Variants in MEIOB observed in about 807,000 individuals in gnomAD.
The protein encoded by MEIOB is meiosis-specific with OB domain-containing protein.
A neutral mutation model predicts 53.1 loss-of-function variants in MEIOB; 50 were observed. That is an observed-to-expected ratio of 0.94 (90% CI 0.75 to 1.19). The LOEUF is 1.19. Among genes scored for constraint, MEIOB ranks in the 50% most tolerant of loss-of-function variants. The probability of loss-of-function intolerance (pLI) is 0.00; values close to 1 mark genes in which losing one functional copy is unlikely to be tolerated. For missense variants in MEIOB, 551 were observed against 550.8 expected, an observed-to-expected ratio of 1.00 and a Z score of 0.00; for synonymous variants, 192 against 182.5, an observed-to-expected ratio of 1.05 and a Z score of -0.42.
At position 1,841,834 on chromosome 16, in the gene MEIOB, T is replaced by G. The variant is rs753246006; in HGVS notation, c.1020A>C (p.Val340=). 6.3e-6 allele frequency: 10 copies of G among 1,575,506 alleles called. No homozygotes were observed. In the Admixed American group the frequency reaches 1.9e-4, roughly 30 times the overall value. ...CGGATCCTTACCATCTATTTCGAAC[T>G]ACTTTTGTAGTTTCATCATCAATGT... is the stretch of plus-strand genomic sequence containing the variant. ...TLNIDDETTK[V]VRNRCSSCGY... The change falls in exon 11 of 14, where the codon GTA becomes GTC. Residue 340 remains valine, a synonymous_variant. Transcript: ENST00000325962.
intron 11 of MEIOB, chr16:1,840,992 G>C (rs547381064): frequency 6.6e-6 from 1 of 150,560 alleles, no homozygotes; most frequent in African/African-American, 2.4e-5. Context: ...AAATCTACTG[G>C]AGTTTACTTT....
At chr16:1,852,967 A>T (rs894185660) in intron 9 of MEIOB, 72 bp downstream of exon 9, 1 of 938,476 alleles carries the variant, frequency 1.1e-6, no homozygotes, top group Non-Finnish European at 1.6e-6. Context: ...TTCATTCTTA[A>T]ATATACTGTA....
At position 1,869,876 on chromosome 16, in the gene MEIOB, A is replaced by ATTTTTTTT. The variant is rs10681287; in HGVS notation, c.-9-1700_-9-1693dup. On this transcript the variant is annotated intron_variant, in intron 1 of 13. Transcript: ENST00000325962. ...ATACTGTGTGAAGGGAAAGGTAGTGATTTTTTTTTTTTTGAGACGGAGTCT... is the reference window on the plus strand; with the variant it reads ...ATACTGTGTGAAGGGAAAGGTAGTGATTTTTTTTTTTTTTTTTTTTTGAGACGGAGTCT... 7.0e-4 allele frequency among the ~76,000 whole-genome samples: 98 copies of ATTTTTTTT among 140,440 alleles called. 8 individuals are homozygous for ATTTTTTTT. The highest frequency in any genetic ancestry group is 4.9e-3 in the East Asian group (23 of 4,694). The allele number at this position is 140,440 out of a possible 152,430, so 92.1% of individuals were successfully genotyped here. A position where few individuals can be genotyped will look rare whatever the true frequency, so the allele number is the denominator to read the frequency against.
At chr16:1,835,412 C>T (rs1340950283) in intron 13 of MEIOB, among the ~76,000 whole-genome samples, 1 of 151,960 alleles carries the variant, frequency 6.6e-6, no homozygotes, top group Non-Finnish European at 1.5e-5. Context: ...TTTTAATAGT[C>T]TTATTTTTTA....
intron 5 of MEIOB, among the ~76,000 whole-genome samples, chr16:1,860,193 CA>C (rs1899407917): frequency 6.6e-6 from 1 of 152,180 alleles, no homozygotes; most frequent in African/African-American, 2.4e-5. Context: ...GAATGAGAAT[CA>C]AAGTACTAAA....
chr16:1,848,606 G>C (rs1596971777), intron 9 of MEIOB, among the ~76,000 whole-genome samples: 1 of 140,838 alleles, frequency 7.1e-6, no homozygotes, highest in Admixed American at 7.7e-5. Flanking sequence ...GCAGTGGCAT[G>C]ATCTCGACTC....
At chr16:1,846,603 T>C (rs556070162) in intron 9 of MEIOB, among the ~76,000 whole-genome samples, 97 of 152,284 alleles carry the variant, frequency 6.4e-4, no homozygotes, top group African/African-American at 2.3e-3. Flanking sequence ...ATGTATACCA[T>C]GGAATACAAT....
At chr16:1,871,272 C>A (rs9935513) in intron 1 of MEIOB, among the ~76,000 whole-genome samples, 15 of 147,818 alleles carry the variant, frequency 1.0e-4, no homozygotes, top group Non-Finnish European at 1.5e-4. Context: ...CAGGCTGGAG[C>A]GCAGTGGCGC....
At chr16:1,838,972 G>A (rs984868612) in intron 12 of MEIOB, among the ~76,000 whole-genome samples, 9 of 152,156 alleles carry the variant, frequency 5.9e-5, no homozygotes, top group Admixed American at 1.3e-4. Flanking sequence ...GATTACAGGC[G>A]TGAGCCACGG....
At chr16:1,869,939 T>A (rs932530204) in intron 1 of MEIOB, among the ~76,000 whole-genome samples, 4 of 147,430 alleles carry the variant, frequency 2.7e-5, no homozygotes, top group Admixed American at 2.1e-4. Flanking sequence ...TGGCACGATC[T>A]CAGCTCACTG....
chr16:1,860,241 A>G (rs1899409108), intron 5 of MEIOB, among the ~76,000 whole-genome samples, 162 bp downstream of exon 5: 1 of 152,268 alleles, frequency 6.6e-6, no homozygotes, highest in Admixed American at 6.5e-5. Context: ...GTATCAAAGT[A>G]AATTATGTCA....
chr16:1,853,072 C>T lies in MEIOB; in HGVS notation c.745G>A (p.Val249Ile). 1.2e-6 allele frequency: 2 copies of T among 1,612,376 alleles called. No homozygotes were observed. The highest frequency in any genetic ancestry group is 2.2e-5 in the South Asian group (2 of 91,026). ...GTTGTAATAATGGTTTTTGAGATTA[C>T]AGTTGCTGTCATGCAGTTCCGAAAT... ...DKFRNCMTAT[V>I]ISKTIITTNP... Residue 249 changes from valine (V) to isoleucine (I), a missense_variant, in exon 9 of 14, where the codon GTA (valine) becomes ATA (isoleucine). Coordinates refer to ENST00000325962, the MANE Select transcript of MEIOB (RefSeq NM_001163560.3).
intron 10 of MEIOB, among the ~76,000 whole-genome samples, chr16:1,843,953 G>T (rs1402063513): frequency 6.6e-6 from 1 of 151,906 alleles, no homozygotes; most frequent in Non-Finnish European, 1.5e-5. Context: ...TTGATGTCTA[G>T]TGCATGAAAT....
chr16:1,843,304 TAAA>T (rs138252470), intron 10 of MEIOB: 5 of 146,570 alleles, frequency 3.4e-5, no homozygotes, highest in Admixed American at 1.4e-4. Context: ...AAAAATAAAA[TAAA>T]AAAAAATAAT....
rs142791602 is a variant in MEIOB at position 1,845,815 on chromosome 16, C to A, written c.779-852G>T. ...GGCAGGAACGCGAGTTTGGAAAGAG[C>A]TCCCCCATGATGCCCTTGGACCCCA... On this transcript the variant is annotated intron_variant, in intron 9 of 13. Coordinates refer to ENST00000325962, the MANE Select transcript of MEIOB (RefSeq NM_001163560.3). 3.3e-5 allele frequency among the ~76,000 whole-genome samples: 5 copies of A among 152,268 alleles called. No individual in the cohort carries two copies. The East Asian group carries it at 9.7e-4, about 29-fold the overall frequency.
chr16:1,869,617 T>C (rs992771174), intron 1 of MEIOB, among the ~76,000 whole-genome samples: 1 of 150,882 alleles, frequency 6.6e-6, no homozygotes, highest in Non-Finnish European at 1.5e-5. Context: ...CTGGCTAATT[T>C]TGTTTTTGCA....
At chr16:1,835,080 C>A (rs1898705876) in intron 13 of MEIOB, among the ~76,000 whole-genome samples, 1 of 151,960 alleles carries the variant, frequency 6.6e-6, no homozygotes, top group Admixed American at 6.6e-5. Context: ...TAAAGTGAAA[C>A]CCTGTCTCTA....
At chr16:1,842,461 A>G (rs1898935031) in intron 10 of MEIOB, among the ~76,000 whole-genome samples, 1 of 101,700 alleles carries the variant, frequency 9.8e-6, no homozygotes, top group Non-Finnish European at 2.1e-5. Flanking sequence ...CTTAAAAAAA[A>G]AAAAAAAAAA....
At chr16:1,859,515 T>C (rs1899389911) in intron 5 of MEIOB, among the ~76,000 whole-genome samples, 1 of 152,120 alleles carries the variant, frequency 6.6e-6, no homozygotes, top group Non-Finnish European at 1.5e-5. Context: ...CACTCCAGCC[T>C]GGGCAACAGA....
Sources: gnomAD v4.1 joint callset for allele counts (sites outside exome capture counted in the v4.1 genomes callset) on GRCh38, gnomAD v4.1.1 for gene constraint, MANE v1.5 for transcripts, NCBI Gene and HGNC (gene_info 2026-07-23, HGNC 2026-07-21) for gene names.